The following COL23A1 variants were observed in gnomAD, a reference collection of about 807,000 sequenced individuals.
COL23A1 encodes the protein collagen type XXIII alpha 1 chain, also known as collagen alpha-1(XXIII) chain.
A neutral mutation model predicts 99.3 loss-of-function variants in COL23A1; 97 were observed. That is an observed-to-expected ratio of 0.98 (90% CI 0.83 to 1.16). The LOEUF (loss-of-function observed/expected upper bound fraction) is 1.16. COL23A1 is among the 50% of genes most tolerant of loss of function. The pLI is 0.00. For synonymous variants in COL23A1, 320 were observed against 308.2 expected (o/e 1.04, Z -0.40); for missense variants, 762 against 757.4 (o/e 1.01, Z -0.07).
rs887101003 is a variant in COL23A1, at chr5:178,309,236, T to C, written c.362-2317A>G. Among the ~76,000 whole-genome samples, 3 of 152,064 alleles carry C rather than the reference T, an allele frequency of 2.0e-5. No individual in the cohort carries two copies. The highest frequency in any genetic ancestry group is 4.4e-5 in the Non-Finnish European group (3 of 67,988). ...GGATTTGTCTGGTGGCTCTCCTGGG[T>C]GGCATGGTTAGGCAGAGGCTGATGG... On this transcript the variant is annotated intron_variant, in intron 2 of 28. Transcript: ENST00000390654. The surrounding 1 kb of genome is among the most constrained non-coding windows in gnomAD (Gnocchi z 4.7).
chr5:178,282,122 C>T (rs1756934757), intron 5 of COL23A1, among the ~76,000 whole-genome samples: 1 of 151,794 alleles, frequency 6.6e-6, no homozygotes, highest in Non-Finnish European at 1.5e-5. Context: ...CGTTCAGCTG[C>T]TCCTCTGCAG....
At chr5:178,430,908 C>T (rs530724469) in intron 2 of COL23A1, among the ~76,000 whole-genome samples, 9 of 152,134 alleles carry the variant, frequency 5.9e-5, no homozygotes, top group South Asian at 2.1e-4. Context: ...ACAGCCCTCA[C>T]GTGATGCCCT....
chr5:178,305,981 G>A (rs905642538), intron 3 of COL23A1, among the ~76,000 whole-genome samples: 4 of 152,016 alleles, frequency 2.6e-5, no homozygotes, highest in Admixed American at 1.3e-4. Context: ...GCAGGGCAAC[G>A]TCCAACCTCG....
chr5:178,386,011 T>C (rs755859595), intron 2 of COL23A1, among the ~76,000 whole-genome samples: 1 of 152,118 alleles, frequency 6.6e-6, no homozygotes, highest in African/African-American at 2.4e-5. Flanking sequence ...GCAGAGTGCA[T>C]AGAATTTGCA....
In COL23A1 at chr5:178,468,552, G is replaced by C. The variant is rs956596491; in HGVS notation, c.361+92130C>G. On this transcript the variant is annotated intron_variant, in intron 2 of 28. Coordinates refer to ENST00000390654, the MANE Select transcript of COL23A1 (RefSeq NM_173465.4). This position sits in a 1 kb window ranked among gnomAD's most constrained non-coding sequence, Gnocchi z 4.2. ...TCACACCCAGGCCTCACCCGGCCCCGTCCCTCTGAGCTGACCTCAGGCTGC... is the reference window on the plus strand; with the variant it reads ...TCACACCCAGGCCTCACCCGGCCCCCTCCCTCTGAGCTGACCTCAGGCTGC... Among the ~76,000 whole-genome samples the C allele has an allele frequency of 6.6e-6, 1 of 151,970 alleles. No homozygotes were observed. The highest frequency in any genetic ancestry group is 1.9e-4 in the East Asian group (1 of 5,148).
At chr5:178,564,514 C>T (rs1175919867) in intron 1 of COL23A1, among the ~76,000 whole-genome samples, 1 of 152,076 alleles carries the variant, frequency 6.6e-6, no homozygotes, top group South Asian at 2.1e-4. Context: ...GCACCCCCAG[C>T]ATCTGCAAAC....
intron 2 of COL23A1, among the ~76,000 whole-genome samples, chr5:178,503,304 T>G (rs1251624035): frequency 6.6e-6 from 1 of 151,996 alleles, no homozygotes; most frequent in Admixed American, 6.6e-5. Context: ...GAGCCGAGAT[T>G]GCACCACTGC....
intron 2 of COL23A1, among the ~76,000 whole-genome samples, chr5:178,373,983 G>C (rs924060186): frequency 6.6e-6 from 1 of 152,144 alleles, no homozygotes; most frequent in Non-Finnish European, 1.5e-5. Flanking sequence ...ACCGGCGCCC[G>C]CACCCTTCAA....
chr5:178,306,603 T>G lies in COL23A1; in HGVS notation c.406+272A>C, dbSNP rs1418907563. On this transcript the variant is annotated intron_variant, in intron 3 of 28. Transcript: ENST00000390654. The surrounding 1 kb of genome is among the most constrained non-coding windows in gnomAD (Gnocchi z 4.1). ...TCAGAGAGAGGGGGCTGCTCTGGAG[T>G]GGGGGACTAGGGGCCAACAACGAGG... Among the ~76,000 whole-genome samples, 18 of 43,934 alleles carry G rather than the reference T, an allele frequency of 4.1e-4. No homozygotes were observed. The highest frequency in any genetic ancestry group is 8.4e-4 in the African/African-American group (9 of 10,654). 28.8% of individuals were successfully genotyped at this position (43,934 alleles called of 152,430 possible).
At chr5:178,402,057 C>T (rs1047528767) in intron 2 of COL23A1, among the ~76,000 whole-genome samples, 18 of 152,294 alleles carry the variant, frequency 1.2e-4, no homozygotes, top group East Asian at 5.8e-4. Flanking sequence ...CTCAGGTGAT[C>T]CGCCCACCTC....
At position 178,387,631 on chromosome 5, in the gene COL23A1, C is replaced by T. The variant is rs1263089737; in HGVS notation, c.362-80712G>A. 6.6e-6 allele frequency among the ~76,000 whole-genome samples: 1 copy of T among 152,176 alleles called. No homozygotes were observed. The highest frequency in any genetic ancestry group is 1.5e-5 in the Non-Finnish European group (1 of 68,034). On this transcript the variant is annotated intron_variant, in intron 2 of 28. Coordinates refer to ENST00000390654, the MANE Select transcript of COL23A1 (RefSeq NM_173465.4). This position sits in a 1 kb window ranked among gnomAD's most constrained non-coding sequence, Gnocchi z 4.7. ...CCTGGACCAATAACTTCTAGAGGCT[C>T]ATGACCATTTACCTTTTATCCCCAG...
At chr5:178,385,323 C>G (rs1763613900) in intron 2 of COL23A1, among the ~76,000 whole-genome samples, 1 of 152,238 alleles carries the variant, frequency 6.6e-6, no homozygotes, top group Non-Finnish European at 1.5e-5. Context: ...GCGGGGAATT[C>G]ACAGAGGGAA....
intron 2 of COL23A1, among the ~76,000 whole-genome samples, chr5:178,339,781 C>T (rs537715702): frequency 5.3e-5 from 8 of 152,178 alleles, no homozygotes; most frequent in Non-Finnish European, 1.2e-4. Flanking sequence ...CTTTCTTGAA[C>T]TCAAGGGCTT....
chr5:178,329,684 T>C (rs1759896380), intron 2 of COL23A1, among the ~76,000 whole-genome samples: 2 of 152,090 alleles, frequency 1.3e-5, no homozygotes, highest in Admixed American at 1.3e-4. Context: ...CTCACGCCTG[T>C]AATCCCAGGA....
chr5:178,242,316 C>A, intron 26 of COL23A1, 25 bp downstream of exon 26: 1 of 1,612,120 alleles, frequency 6.2e-7, no homozygotes, highest in Non-Finnish European at 8.5e-7. Context: ...TCCTCCTGCC[C>A]CAGCTCCCGT....
chr5:178,272,467 G>A (rs1362894812), intron 5 of COL23A1, among the ~76,000 whole-genome samples: 1 of 152,224 alleles, frequency 6.6e-6, no homozygotes, highest in Non-Finnish European at 1.5e-5. Flanking sequence ...TGGTCGCTGA[G>A]GGTTTGGCCA....
At chr5:178,301,288 C>G (rs1023921710) in intron 3 of COL23A1, among the ~76,000 whole-genome samples, 3 of 152,142 alleles carry the variant, frequency 2.0e-5, no homozygotes, top group African/African-American at 7.2e-5. Context: ...TTAAAAAATA[C>G]TTTTGATCTG....
At chr5:178,247,153 G>A (rs995626319) in intron 22 of COL23A1, among the ~76,000 whole-genome samples, 1 of 147,850 alleles carries the variant, frequency 6.8e-6, no homozygotes, top group African/African-American at 2.5e-5. Context: ...TGGCAGCTGA[G>A]AGACAGATGT....
chr5:178,315,281 C>T (rs1378124053), intron 2 of COL23A1, among the ~76,000 whole-genome samples: 1 of 152,196 alleles, frequency 6.6e-6, no homozygotes, highest in Non-Finnish European at 1.5e-5. Context: ...TCCCCAAGGG[C>T]TCCGGTTGGA....
Sources: allele counts gnomAD v4.1 joint callset (sites outside exome capture counted in the v4.1 genomes callset), GRCh38; gene constraint gnomAD v4.1.1; non-coding constraint Gnocchi (gnomAD v3.1); transcripts MANE v1.5; gene names NCBI Gene and HGNC (gene_info 2026-07-23, HGNC 2026-07-21).